Variants in SMARCAD1 observed in about 807,000 individuals in gnomAD.
SMARCAD1 encodes SNF2 related chromatin remodeling ATPase with DExD box 1, also known as SWI/SNF-related matrix-associated actin-dependent regulator of chromatin subfamily A containing DEAD/H box 1.
A neutral mutation model predicts 127.1 loss-of-function variants in SMARCAD1; 25 were observed. The ratio of observed to expected loss-of-function variants is 0.20; its 90% CI spans 0.14 to 0.27. SMARCAD1 has a LOEUF of 0.27. SMARCAD1 is among the 10% of genes least tolerant of loss of function. The pLI is 1.00. For synonymous variants in SMARCAD1, 400 were observed against 396.9 expected, an observed-to-expected ratio of 1.01 and a Z score of -0.09; for missense variants, 807 against 1,206.0, an observed-to-expected ratio of 0.67 and a Z score of 4.90.
intron 6 of SMARCAD1, among the ~76,000 whole-genome samples, chr4:94,243,936 G>T (rs1311160165): frequency 1.3e-5 from 2 of 152,162 alleles, no homozygotes; most frequent in Non-Finnish European, 2.9e-5. Context: ...GGAGAAGCTT[G>T]AAACAAGAAA....
At chr4:94,237,067 A>C in intron 5 of SMARCAD1, 49 bp downstream of exon 5, 1 of 1,387,644 alleles carries the variant, frequency 7.2e-7, no homozygotes, top group East Asian at 2.3e-5. Flanking sequence ...TTACGTCATA[A>C]TAATAGTACC....
chr4:94,208,051 A>C lies in SMARCAD1; in HGVS notation c.-69A>C. The stretch of plus-strand genomic sequence containing the variant: ...GCCCGCTAGGGGGTTATACTGGGGA[A>C]CGTGCCTGCGCGTGCTTGGGTAAGA... On this transcript the variant is annotated 5_prime_UTR_variant, in exon 1 of 24. Coordinates refer to ENST00000354268, the MANE Select transcript of SMARCAD1 (RefSeq NM_020159.5). 4.2e-6 allele frequency: 2 copies of C among 472,368 alleles called. No individual in the cohort carries two copies. Among genetic ancestry groups the C allele is most frequent in the East Asian group, 6.1e-5 (1 of 16,370 alleles). The allele number at this position is 472,368 out of a possible 1,614,324, so 29.3% of individuals were successfully genotyped here.
intron 10 of SMARCAD1, among the ~76,000 whole-genome samples, chr4:94,267,618 AT>A (rs988882939): frequency 5.3e-5 from 8 of 150,518 alleles, no homozygotes; most frequent in Middle Eastern, 3.4e-3. Context: ...TCTGGAGGGA[AT>A]TTTTTTTTTC....
intron 3 of SMARCAD1, among the ~76,000 whole-genome samples, chr4:94,227,203 A>C (rs971556491): frequency 8.5e-5 from 13 of 152,102 alleles, no homozygotes; most frequent in Admixed American, 6.6e-5. Context: ...TTTTTGAGGA[A>C]AGTGGGAGGG....
Position 94,276,469 on chromosome 4 carries a change from A to G in SMARCAD1, c.1939A>G (p.Ile647Val). 26 of 1,614,120 alleles carry G rather than the reference A, an allele frequency of 1.6e-5. No individual in the cohort carries two copies. Among genetic ancestry groups the G allele is most frequent in the Non-Finnish European group, 2.1e-5 (25 of 1,180,000 alleles). The change falls in exon 15 of 24, where the codon ATT becomes GTT. Residue 647 changes from isoleucine (I) to valine (V), a missense_variant. This residue lies in a region of SMARCAD1 where 148 missense variants were observed against 313.2 expected (regional missense o/e 0.47). Transcript: ENST00000354268. ...CATTCGCTACCAGCACCTTATGACA[A>G]TTAATGTAAGAGAATGTTTGTAAAG... ...GSIRYQHLMT[I>V]NANNRLLLTG...
At chr4:94,224,209 T>TC (rs1744649386) in intron 2 of SMARCAD1, among the ~76,000 whole-genome samples, 1 of 152,198 alleles carries the variant, frequency 6.6e-6, no homozygotes, top group Admixed American at 6.5e-5. Flanking sequence ...ATAAAATTGT[T>TC]CTTTTGGAAA....
chr4:94,253,578 G>A (rs1749609434), intron 9 of SMARCAD1: 3 of 1,062,838 alleles, frequency 2.8e-6, no homozygotes, highest in Non-Finnish European at 3.4e-6. Context: ...ATTTTATGGA[G>A]TGTAGCAGGC....
intron 9 of SMARCAD1, chr4:94,253,462 G>GT (rs1385142420): frequency 8.5e-7 from 1 of 1,175,852 alleles, no homozygotes; most frequent in African/African-American, 1.6e-5. Flanking sequence ...GCCAGCCTAA[G>GT]TGTTTTATGC....
At chr4:94,253,126 A>G (rs1034294193) in intron 9 of SMARCAD1, 119 bp downstream of exon 9, 25 of 1,553,534 alleles carry the variant, frequency 1.6e-5, no homozygotes, top group Non-Finnish European at 2.2e-5. Flanking sequence ...ATCCTGTGTA[A>G]AGTCAAACAT....
intron 9 of SMARCAD1, 175 bp downstream of exon 9, chr4:94,253,182 C>T: frequency 6.7e-7 from 1 of 1,501,492 alleles, no homozygotes; most frequent in East Asian, 2.4e-5. Context: ...GTCATATGAC[C>T]TAATTTTGAA....
chr4:94,275,357 G>T (rs1753106877), intron 14 of SMARCAD1, among the ~76,000 whole-genome samples: 1 of 151,932 alleles, frequency 6.6e-6, no homozygotes, highest in African/African-American at 2.4e-5. Flanking sequence ...TTGAGTTAGG[G>T]CAGAAATAAA....
intron 3 of SMARCAD1, among the ~76,000 whole-genome samples, chr4:94,227,833 T>C (rs1435317186): frequency 6.6e-6 from 1 of 152,168 alleles, no homozygotes; most frequent in East Asian, 1.9e-4. Flanking sequence ...TGACAGAGTA[T>C]TGGTTTGCTA....
At chr4:94,261,817 C>T (rs995228397) in intron 9 of SMARCAD1, among the ~76,000 whole-genome samples, 4 of 152,084 alleles carry the variant, frequency 2.6e-5, no homozygotes, top group African/African-American at 9.7e-5. Context: ...GCCATGTTGC[C>T]CAGGCGGGTC....
intron 9 of SMARCAD1, among the ~76,000 whole-genome samples, chr4:94,259,989 AGATT>A (rs1750713046): frequency 6.6e-6 from 1 of 152,266 alleles, no homozygotes; most frequent in South Asian, 2.1e-4. Flanking sequence ...CCACTTATTA[AGATT>A]GCTTGATAGG....
intron 6 of SMARCAD1, among the ~76,000 whole-genome samples, chr4:94,248,157 G>A (rs902541375): frequency 1.3e-5 from 2 of 152,138 alleles, no homozygotes; most frequent in Non-Finnish European, 2.9e-5. Flanking sequence ...CTACATCTGT[G>A]TTGCTGCGAA....
intron 22 of SMARCAD1, 123 bp downstream of exon 22, chr4:94,283,426 A>G: frequency 1.2e-6 from 1 of 826,060 alleles, no homozygotes; most frequent in East Asian, 2.6e-5. Flanking sequence ...ATGGCTACTG[A>G]TGTATTTTAT....
At chr4:94,253,580 G>T in intron 9 of SMARCAD1, 1 of 1,050,338 alleles carries the variant, frequency 9.5e-7, no homozygotes, top group Non-Finnish European at 1.2e-6. Flanking sequence ...TTTATGGAGT[G>T]TAGCAGGCTG....
chr4:94,267,027 T>C (rs1751826015), intron 10 of SMARCAD1, among the ~76,000 whole-genome samples: 1 of 152,100 alleles, frequency 6.6e-6, no homozygotes, highest in South Asian at 2.1e-4. Flanking sequence ...ATTCTTACTA[T>C]AGATGTAGCC....
chr4:94,263,910 A>G (rs994929698), intron 9 of SMARCAD1, among the ~76,000 whole-genome samples: 2 of 151,846 alleles, frequency 1.3e-5, no homozygotes, highest in Non-Finnish European at 2.9e-5. Flanking sequence ...TAGAATATAT[A>G]TTTTCAGCTA....
Sources: gnomAD v4.1 joint callset for allele counts (sites outside exome capture counted in the v4.1 genomes callset) on GRCh38, gnomAD v4.1.1 for gene constraint, gnomAD v4.1.1 regional missense constraint, MANE v1.5 for transcripts, NCBI Gene and HGNC (gene_info 2026-07-23, HGNC 2026-07-21) for gene names.